Variants in HBP1 observed in about 807,000 individuals in gnomAD.
The protein encoded by HBP1 is HMG box-containing protein 1.
Under a neutral mutation model 62.6 loss-of-function variants are expected in HBP1, and 20 were observed. That is an observed-to-expected ratio of 0.32 (90% CI 0.22 to 0.46). HBP1 has a LOEUF of 0.46. HBP1 is among the 20% of genes least tolerant of loss of function. The pLI, the probability that HBP1 is intolerant of heterozygous loss-of-function variation, is 1.00. For missense variants in HBP1, 480 were observed against 611.8 expected, an observed-to-expected ratio of 0.78 and a Z score of 2.27; for synonymous variants, 232 against 206.2, an observed-to-expected ratio of 1.12 and a Z score of -1.07.
chr7:107,175,391 A>T (rs78614892), intron 1 of HBP1, among the ~76,000 whole-genome samples: 2 of 152,204 alleles, frequency 1.3e-5, no homozygotes, highest in East Asian at 3.8e-4. Context: ...AGGCATGAAG[A>T]TTTTAAGTAA....
rs764635434 is a variant in HBP1, at chr7:107,186,501, G to T, written c.652+29G>T. 7.6e-6 allele frequency: 12 copies of T among 1,581,414 alleles called. No individual in the cohort carries two copies. In the African/African-American group the frequency reaches 1.4e-4, roughly 18 times the overall value. The stretch of plus-strand genomic sequence containing the variant: ...AAACAAACAAACAAACAAAAACCTT[G>T]AATTTTCCACAGCTTACTTGTCTAG... On this transcript the variant is annotated intron_variant, in intron 5 of 10. Coordinates refer to ENST00000222574, the MANE Select transcript of HBP1 (RefSeq NM_012257.4).
rs865956584 is a variant in HBP1 at position 107,201,287 on chromosome 7, T to A, written c.1528-127T>A. 1.4e-4 allele frequency: 71 copies of A among 515,602 alleles called. No homozygotes were observed. The Middle Eastern group carries it at 3.2e-3, about 23-fold the overall frequency. 31.9% of individuals were successfully genotyped at this position (515,602 alleles called of 1,614,324 possible). A position where few individuals can be genotyped will look rare whatever the true frequency, so the allele number is the denominator to read the frequency against. ...TCAGATATCAGCTAGCTTTTTAAAA[T>A]CACCTTTAAGAAAGCAGTATTTTCT... On this transcript the variant is annotated intron_variant, in intron 10 of 10. Coordinates refer to ENST00000222574, the MANE Select transcript of HBP1 (RefSeq NM_012257.4).
intron 8 of HBP1, chr7:107,193,365 T>C (rs796073743): frequency 9.2e-5 from 14 of 152,284 alleles, no homozygotes; most frequent in African/African-American, 3.4e-4. Flanking sequence ...AGTATCAGAA[T>C]TAGGATTCAA....
chr7:107,180,149 G>A, intron 2 of HBP1, 87 bp downstream of exon 2: 5 of 699,012 alleles, frequency 7.2e-6, no homozygotes, highest in Admixed American at 2.4e-5. Context: ...AACCTTGACT[G>A]GCTAGAAAGG....
chr7:107,184,440 G>C (rs1426811835), intron 3 of HBP1, among the ~76,000 whole-genome samples: 6 of 152,208 alleles, frequency 3.9e-5, no homozygotes, highest in Admixed American at 3.9e-4. Context: ...TGAGGATAAG[G>C]TAGAAATTGA....
chr7:107,179,116 T>C (rs2115833717), intron 1 of HBP1, among the ~76,000 whole-genome samples: 1 of 152,154 alleles, frequency 6.6e-6, no homozygotes, highest in East Asian at 1.9e-4. Flanking sequence ...ACACAGTAAA[T>C]AGAGACATTA....
intron 1 of HBP1, among the ~76,000 whole-genome samples, chr7:107,175,500 G>A (rs1166481974): frequency 6.6e-6 from 1 of 152,150 alleles, no homozygotes; most frequent in East Asian, 1.9e-4. Flanking sequence ...TAAATAAATA[G>A]TTTTCCTAAA....
intron 1 of HBP1, among the ~76,000 whole-genome samples, chr7:107,173,123 C>G (rs759741339): frequency 6.6e-6 from 1 of 152,184 alleles, no homozygotes; most frequent in Non-Finnish European, 1.5e-5. Context: ...ATTACAGCCT[C>G]AGAGATGCTT....
intron 1 of HBP1, among the ~76,000 whole-genome samples, chr7:107,175,374 A>G (rs567343570): frequency 9.2e-5 from 14 of 152,222 alleles, no homozygotes; most frequent in Non-Finnish European, 1.9e-4. Context: ...TTGCCATTTT[A>G]TAAACAAGGC....
At chr7:107,175,224 T>C (rs1796776722) in intron 1 of HBP1, among the ~76,000 whole-genome samples, 1 of 152,112 alleles carries the variant, frequency 6.6e-6, no homozygotes, top group Admixed American at 6.6e-5. Context: ...AAATCATCAG[T>C]GGTTCTTCAT....
chr7:107,195,961 A>C lies in HBP1; in HGVS notation c.1195A>C (p.Asn399His). The change falls in exon 9 of 11, where the codon AAC becomes CAC. Residue 399 changes from asparagine to histidine, a missense_variant. Around this residue, in one of 4 missense-constraint regions of HBP1, gnomAD observed 66 missense variants for 56.4 expected, o/e 1.17. Coordinates refer to ENST00000222574, the MANE Select transcript of HBP1 (RefSeq NM_012257.4). ...QDFARSGFSK[N>H]CGSPGSSQLS... The stretch of plus-strand genomic sequence containing the variant: ...CTTTGCAAGATCTGGATTCAGTAAA[A>C]ACTGTGGCTCACCTGGATCATCACA... 2 of 1,614,092 alleles carry C rather than the reference A, an allele frequency of 1.2e-6. No individual in the cohort carries two copies. Among genetic ancestry groups the C allele is most frequent in the Non-Finnish European group, 1.7e-6 (2 of 1,180,006 alleles).
rs767760471 is a variant in HBP1 at position 107,182,424 on chromosome 7, T to C, written c.221T>C (p.Met74Thr). Reference sequence around the variant, plus strand: ...CAAAGTGATCCTACCCAATCTGGCATGTACCAGCTGAGTTCAGATGTTTCA... The same window carrying C: ...CAAAGTGATCCTACCCAATCTGGCACGTACCAGCTGAGTTCAGATGTTTCA... ...AVQSDPTQSG[M>T]YQLSSDVSHQ... Residue 74 changes from methionine (M) to threonine (T), a missense_variant, in exon 3 of 11, where the codon ATG (methionine) becomes ACG (threonine). By Grantham distance (81) the Met-to-Thr change is moderately conservative (BLOSUM62 -1). Around this residue, in one of 4 missense-constraint regions of HBP1, gnomAD observed 304 missense variants for 330.9 expected, o/e 0.92. Coordinates refer to ENST00000222574, the MANE Select transcript of HBP1 (RefSeq NM_012257.4). 4 of 1,613,798 alleles carry C rather than the reference T, an allele frequency of 2.5e-6. No homozygotes were observed. The highest frequency in any genetic ancestry group is 3.4e-6 in the Non-Finnish European group (4 of 1,179,772).
At chr7:107,171,879 G>A (rs6942927) in intron 1 of HBP1, among the ~76,000 whole-genome samples, 24,943 of 124,954 alleles carry the variant, frequency 0.2, 2,630 homozygotes, top group Middle Eastern at 0.25. Flanking sequence ...AAAAAAAAAA[G>A]AGTCAATGCC....
intron 1 of HBP1, chr7:107,169,992 G>A (rs1796477963): frequency 5.1e-6 from 5 of 985,482 alleles, no homozygotes; most frequent in Non-Finnish European, 6.0e-6. Context: ...ACCAGGCGAA[G>A]TGGACAGCCA....
intron 8 of HBP1, among the ~76,000 whole-genome samples, 186 bp downstream of exon 8, chr7:107,190,503 A>T (rs947534827): frequency 5.3e-5 from 8 of 152,192 alleles, no homozygotes; most frequent in Admixed American, 2.0e-4. Flanking sequence ...GTTACCAGAG[A>T]GTTTTGCGTG....
intron 9 of HBP1, among the ~76,000 whole-genome samples, chr7:107,198,807 A>AGAT (rs1798054460): frequency 1.3e-5 from 2 of 152,340 alleles, no homozygotes; most frequent in South Asian, 4.1e-4. Context: ...AATAATCTTT[A>AGAT]GATGTGTATA....
intron 7 of HBP1, among the ~76,000 whole-genome samples, 155 bp downstream of exon 7, chr7:107,189,603 C>T (rs989780813): frequency 8.5e-5 from 13 of 152,076 alleles, no homozygotes; most frequent in African/African-American, 2.4e-4. Context: ...TATAATAATA[C>T]CTAATGGTGC....
At position 107,170,970 on chromosome 7, in the gene HBP1, A is replaced by G. The variant is rs1039701787; in HGVS notation, c.-16+1785A>G. ...ATATACATGTATATATATAAAATAT[A>G]TAACATACATGTATATATATAAAAT... On this transcript the variant is annotated intron_variant, in intron 1 of 10. Coordinates refer to ENST00000222574, the MANE Select transcript of HBP1 (RefSeq NM_012257.4). Among the ~76,000 whole-genome samples the G allele has an allele frequency of 7.6e-5, 11 of 144,434 alleles. No homozygotes were observed. The East Asian group carries it at 1.2e-3, about 15-fold the overall frequency. The allele number at this position is 144,434 out of a possible 152,430, so 94.8% of individuals were successfully genotyped here.
intron 6 of HBP1, among the ~76,000 whole-genome samples, chr7:107,187,538 G>T (rs542943445): frequency 2.6e-5 from 4 of 152,132 alleles, no homozygotes; most frequent in Admixed American, 2.6e-4. Context: ...AAGTGTGCTT[G>T]TACAAATTCT....
Sources: allele counts gnomAD v4.1 joint callset (sites outside exome capture counted in the v4.1 genomes callset), GRCh38; gene constraint gnomAD v4.1.1; regional missense constraint gnomAD v4.1.1; transcripts MANE v1.5; gene names NCBI Gene and HGNC (gene_info 2026-07-23, HGNC 2026-07-21).